MAGI1: variants seen among roughly 807,000 people sequenced by gnomAD.
MAGI1 encodes the protein membrane-associated guanylate kinase, WW and PDZ domain-containing protein 1.
MAGI1 carries 58 observed loss-of-function variants against 139.9 expected under a neutral mutation model. The ratio of observed to expected loss-of-function variants is 0.41; its 90% CI spans 0.34 to 0.52. The LOEUF (loss-of-function observed/expected upper bound fraction) is 0.52, where lower values mean the gene tolerates loss of function less well. Among genes scored for constraint, MAGI1 ranks in the 20% least tolerant of loss-of-function variants. MAGI1 has a pLI of 0.12. For synonymous variants in MAGI1, 812 were observed against 737.9 expected, an observed-to-expected ratio of 1.10 and a Z score of -1.63; for missense variants, 1,874 against 1,901.6, an observed-to-expected ratio of 0.99 and a Z score of 0.27.
At chr3:66,003,026 T>C (rs933746393) in intron 1 of MAGI1, among the ~76,000 whole-genome samples, 1 of 151,988 alleles carries the variant, frequency 6.6e-6, no homozygotes, top group Admixed American at 6.5e-5. Flanking sequence ...CAGGGAGTAT[T>C]AGATCTATAG....
chr3:65,775,516 A>G (rs959630283), intron 1 of MAGI1, among the ~76,000 whole-genome samples: 1 of 150,690 alleles, frequency 6.6e-6, no homozygotes. Flanking sequence ...AAAAAAAAAA[A>G]AAAAAAAAAA....
At chr3:65,364,999 C>A in intron 18 of MAGI1, 53 bp from the exon 19 acceptor site, 1 of 1,469,662 alleles carries the variant, frequency 6.8e-7, no homozygotes, top group Non-Finnish European at 9.5e-7. Flanking sequence ...AAGACATCCT[C>A]CAGCCAGGAG....
chr3:65,698,553 GC>G (rs2089372039), intron 1 of MAGI1, among the ~76,000 whole-genome samples: 1 of 151,954 alleles, frequency 6.6e-6, no homozygotes, highest in South Asian at 2.1e-4. Context: ...ACAGAACAGA[GC>G]CCTCAGAAAT....
At chr3:65,853,373 G>C (rs758688926) in intron 1 of MAGI1, among the ~76,000 whole-genome samples, 23 of 152,180 alleles carry the variant, frequency 1.5e-4, no homozygotes, top group Non-Finnish European at 2.6e-4. Context: ...TTAATGCATT[G>C]ATAGGTAAAT....
intron 2 of MAGI1, among the ~76,000 whole-genome samples, chr3:65,535,288 A>C (rs1202332370): frequency 6.6e-6 from 1 of 152,212 alleles, no homozygotes; most frequent in East Asian, 1.9e-4. Flanking sequence ...GTGCTTCAAG[A>C]GATTATTGTT....
intron 1 of MAGI1, among the ~76,000 whole-genome samples, chr3:65,703,190 G>A (rs192590323): frequency 2.6e-4 from 39 of 152,260 alleles, no homozygotes; most frequent in Middle Eastern, 3.4e-3. Flanking sequence ...CGTGCTTCCT[G>A]ACTACTGAAC....
intron 1 of MAGI1, among the ~76,000 whole-genome samples, chr3:65,698,838 A>T (rs1293236106): frequency 7.2e-6 from 1 of 138,790 alleles, no homozygotes; most frequent in Non-Finnish European, 1.6e-5. Context: ...TGTCCAAAAC[A>T]CCAAAAGCAA....
At chr3:65,826,288 T>A (rs553526022) in intron 1 of MAGI1, among the ~76,000 whole-genome samples, 2 of 152,268 alleles carry the variant, frequency 1.3e-5, no homozygotes, top group South Asian at 4.1e-4. Flanking sequence ...AAAACTTAAA[T>A]AAAAAGAAAT....
intron 2 of MAGI1, among the ~76,000 whole-genome samples, chr3:65,559,654 T>C (rs2080245902): frequency 6.6e-6 from 1 of 152,178 alleles, no homozygotes; most frequent in Non-Finnish European, 1.5e-5. Flanking sequence ...GGATCGTTAT[T>C]CCCTTTTTAT....
At chr3:65,811,275 T>C (rs1476214593) in intron 1 of MAGI1, among the ~76,000 whole-genome samples, 1 of 152,188 alleles carries the variant, frequency 6.6e-6, no homozygotes, top group Non-Finnish European at 1.5e-5. Flanking sequence ...GAACAAACAA[T>C]GAAAGACTAT....
chr3:66,038,521 C>T lies in MAGI1; in HGVS notation c.-213G>A, dbSNP rs2069063530. On this transcript the variant is annotated 5_prime_UTR_variant, in exon 1 of 23. It adds an upstream start codon to the 5' untranslated region. Transcript: ENST00000402939. ...TCTGGGCTTCCCCGCGAGCCCCGCA[C>T]AGGCGCCCGCGAGCTTTGTTTGCAT... 1.6e-6 allele frequency: 1 copy of T among 615,626 alleles called. No homozygotes were observed. Among genetic ancestry groups the T allele is most frequent in the East Asian group, 3.2e-5 (1 of 31,078 alleles). The allele number at this position is 615,626 out of a possible 1,614,324, so 38.1% of individuals were successfully genotyped here.
chr3:65,895,860 T>C (rs1030107376), intron 1 of MAGI1, among the ~76,000 whole-genome samples: 2 of 152,200 alleles, frequency 1.3e-5, no homozygotes, highest in Non-Finnish European at 2.9e-5. Context: ...TATTCAACTA[T>C]AGCAAGTAAT....
chr3:65,837,033 T>C (rs748310895), intron 1 of MAGI1, among the ~76,000 whole-genome samples: 1 of 152,098 alleles, frequency 6.6e-6, no homozygotes, highest in Non-Finnish European at 1.5e-5. Flanking sequence ...AGGTCCTAAA[T>C]GTGACACCTT....
At chr3:65,860,295 G>C (rs1272475886) in intron 1 of MAGI1, among the ~76,000 whole-genome samples, 1 of 152,152 alleles carries the variant, frequency 6.6e-6, no homozygotes. Flanking sequence ...TATTTCGAAG[G>C]AGGCTGCTCA....
rs17074103 is a variant in MAGI1 at position 65,901,241 on chromosome 3, G to A, written c.313+136755C>T. ...AAAAGATGACGCCACACAAAAGGAA[G>A]AGCAAAATAGCCCAGGGTGGTCTTT... is the stretch of plus-strand genomic sequence containing the variant. On this transcript the variant is annotated intron_variant, in intron 1 of 22. Transcript: ENST00000402939. 7.6e-3 allele frequency among the ~76,000 whole-genome samples: 1,160 copies of A among 152,308 alleles called. 32 individuals carry two copies. In the East Asian group the frequency reaches 0.083, roughly 11 times the overall value.
At chr3:65,751,073 T>C (rs2036109140) in intron 1 of MAGI1, among the ~76,000 whole-genome samples, 1 of 152,196 alleles carries the variant, frequency 6.6e-6, no homozygotes, top group South Asian at 2.1e-4. Context: ...GCTAATGTGT[T>C]TATTGTGTGC....
chr3:65,440,844 TAC>T (rs1948251956), intron 8 of MAGI1, among the ~76,000 whole-genome samples: 2 of 31,864 alleles, frequency 6.3e-5, no homozygotes, highest in South Asian at 3.0e-3. Flanking sequence ...TATACATATA[TAC>T]ATATGTATAC....
chr3:65,509,048 G>T (rs939297721), intron 2 of MAGI1, among the ~76,000 whole-genome samples: 6 of 152,172 alleles, frequency 3.9e-5, no homozygotes, highest in African/African-American at 1.4e-4. Flanking sequence ...CCAGATACTT[G>T]CCTCTTAACC....
intron 3 of MAGI1, among the ~76,000 whole-genome samples, chr3:65,489,588 T>C (rs1236297512): frequency 6.6e-6 from 1 of 152,082 alleles, no homozygotes; most frequent in Non-Finnish European, 1.5e-5. Context: ...GATAGACAGA[T>C]AGATACATAG....
Sources: allele counts gnomAD v4.1 joint callset (sites outside exome capture counted in the v4.1 genomes callset), GRCh38; gene constraint gnomAD v4.1.1; transcripts MANE v1.5; gene names NCBI Gene and HGNC (gene_info 2026-07-23, HGNC 2026-07-21).